The following CEP120 variants were observed in gnomAD, a reference collection of about 807,000 sequenced individuals.
CEP120 encodes the protein centrosomal protein 120.
CEP120 carries 113 observed loss-of-function variants against 126.5 expected under a neutral mutation model. The ratio of observed to expected loss-of-function variants is 0.89; its 90% CI spans 0.77 to 1.04. The LOEUF is 1.04. Among genes scored for constraint, CEP120 ranks in the 50% least tolerant of loss-of-function variants. CEP120 has a pLI of 0.00. For synonymous variants in CEP120, 400 were observed against 394.3 expected, an observed-to-expected ratio of 1.01 and a Z score of -0.17; for missense variants, 1,230 against 1,155.7, an observed-to-expected ratio of 1.06 and a Z score of -0.93.
At chr5:123,352,884 T>C (rs1769292990) in intron 18 of CEP120, among the ~76,000 whole-genome samples, 1 of 134,996 alleles carries the variant, frequency 7.4e-6, no homozygotes, top group African/African-American at 2.8e-5. Flanking sequence ...ATTTCTTTGA[T>C]TATATTTTAG....
At chr5:123,378,230 T>G (rs1037037970) in intron 15 of CEP120, 106 bp downstream of exon 15, 2 of 741,050 alleles carry the variant, frequency 2.7e-6, no homozygotes, top group Admixed American at 5.6e-5. Flanking sequence ...CCATCCTGAG[T>G]CCCTTCTCTC....
intron 17 of CEP120, among the ~76,000 whole-genome samples, chr5:123,369,723 GT>G (rs1562017553): frequency 1.5e-3 from 225 of 152,070 alleles, no homozygotes; most frequent in African/African-American, 5.3e-3. Flanking sequence ...CTTATGTGGG[GT>G]GGTATCTATT....
intron 18 of CEP120, among the ~76,000 whole-genome samples, chr5:123,360,747 G>A (rs1002647102): frequency 4.6e-5 from 7 of 151,724 alleles, no homozygotes; most frequent in African/African-American, 1.7e-4. Context: ...ATGAGGATGC[G>A]TGTGTTAGGA....
intron 4 of CEP120, chr5:123,403,849 C>A: frequency 4.3e-6 from 1 of 235,030 alleles, no homozygotes; most frequent in Non-Finnish European, 8.6e-6. Flanking sequence ...ATGGAAAGAT[C>A]AAGGAACTAT....
intron 4 of CEP120, among the ~76,000 whole-genome samples, chr5:123,409,773 T>A (rs527502937): frequency 1.3e-4 from 20 of 151,854 alleles, no homozygotes; most frequent in African/African-American, 4.6e-4. Flanking sequence ...GCCTGGCCAA[T>A]GTAGTGAAAC....
intron 1 of CEP120, 87 bp from the exon 2 acceptor site, chr5:123,418,602 T>G (rs1477655714): frequency 5.5e-6 from 4 of 729,230 alleles, no homozygotes; most frequent in South Asian, 3.7e-5. Flanking sequence ...TTGGCTGGTT[T>G]TTTTTTTTTT....
intron 4 of CEP120, among the ~76,000 whole-genome samples, chr5:123,410,615 A>G (rs1371717538): frequency 1.3e-5 from 2 of 152,250 alleles, no homozygotes; most frequent in Non-Finnish European, 2.9e-5. Flanking sequence ...ATGGTGCTGG[A>G]ACAACTGGAC....
intron 11 of CEP120, among the ~76,000 whole-genome samples, chr5:123,384,290 G>T (rs201340853): frequency 1.8e-5 from 1 of 54,644 alleles, no homozygotes; most frequent in Non-Finnish European, 4.6e-5. Context: ...ACTGAGCCTT[G>T]TTTCTCTTTT....
chr5:123,413,659 A>G (rs1020856680), intron 3 of CEP120, among the ~76,000 whole-genome samples: 1 of 152,202 alleles, frequency 6.6e-6, no homozygotes, highest in Non-Finnish European at 1.5e-5. Context: ...TGTTATATAA[A>G]GACATAATAA....
intron 18 of CEP120, among the ~76,000 whole-genome samples, chr5:123,352,717 C>T (rs889410816): frequency 1.3e-5 from 2 of 151,930 alleles, no homozygotes; most frequent in Non-Finnish European, 2.9e-5. Flanking sequence ...TAAAAAAAAC[C>T]TGCTGAGATT....
At chr5:123,411,664 T>G (rs963567725) in intron 4 of CEP120, among the ~76,000 whole-genome samples, 1 of 152,136 alleles carries the variant, frequency 6.6e-6, no homozygotes, top group Admixed American at 6.5e-5. Context: ...GTAAAAAAGA[T>G]CAATAGCTGC....
intron 18 of CEP120, among the ~76,000 whole-genome samples, chr5:123,360,909 C>T (rs2126994024): frequency 6.6e-6 from 1 of 151,832 alleles, no homozygotes; most frequent in East Asian, 1.9e-4. Context: ...GAAACTACCT[C>T]AAATGGTGAA....
rs1359046250 is a variant in CEP120, at chr5:123,393,319, G to T, written c.791C>A (p.Ala264Asp). Reference sequence around the variant, plus strand: ...ACTCACCTGCAGTTTAGACTGAAGAGCCAGGTAAACACGAAGAATTTCTAC... The same window carrying T: ...ACTCACCTGCAGTTTAGACTGAAGATCCAGGTAAACACGAAGAATTTCTAC... ...SSVEILRVYLALQSKLQIHLC... is the reference protein window; with the variant it reads ...SSVEILRVYLDLQSKLQIHLC... The change falls in exon 6 of 20, where the codon GCT (alanine) becomes GAT (aspartate). Residue 264 changes from alanine (A) to aspartate (D), a missense_variant. Physicochemically the swap from Ala to Asp is moderately radical, Grantham distance 126. Coordinates refer to ENST00000306467, the MANE Select transcript of CEP120 (RefSeq NM_001375405.1). 1 of 1,614,126 alleles carries T rather than the reference G, an allele frequency of 6.2e-7. No homozygotes were observed. Among genetic ancestry groups the T allele is most frequent in the East Asian group, 2.2e-5 (1 of 44,862 alleles).
At chr5:123,346,795 G>T in intron 19 of CEP120, 42 bp from the exon 20 acceptor site, 1 of 1,383,256 alleles carries the variant, frequency 7.2e-7, no homozygotes, top group African/African-American at 1.5e-5. Context: ...AACTGTGTTG[G>T]TTTTCTTAAT....
At chr5:123,373,391 C>A (rs1046518112) in intron 16 of CEP120, among the ~76,000 whole-genome samples, 2 of 151,934 alleles carry the variant, frequency 1.3e-5, no homozygotes, top group Admixed American at 1.3e-4. Flanking sequence ...AAGGAGTGAC[C>A]GGGAGATCCA....
chr5:123,349,999 C>G lies in CEP120; in HGVS notation c.2671G>C (p.Asp891His). Residue 891 changes from aspartate (D) to histidine (H), a missense_variant, in exon 19 of 20, where the codon GAT becomes CAT. Physicochemically the swap from Asp to His is moderately conservative, Grantham distance 81. Transcript: ENST00000306467. ...RLRYLAAEEK[D>H]TVKTERQELL... is the part of the protein sequence containing the mutation. ...TCTTGTCGCTCGGTTTTTACTGTAT[C>G]TTTTTCCTCAGCGGCAAGGTAACGT... is the stretch of plus-strand genomic sequence containing the variant. The G allele has an allele frequency of 6.2e-7, 1 of 1,613,632 alleles. No homozygotes were observed. The highest frequency in any genetic ancestry group is 1.1e-5 in the South Asian group (1 of 91,044).
chr5:123,394,069 T>G (rs959189578), intron 5 of CEP120, among the ~76,000 whole-genome samples: 12 of 152,238 alleles, frequency 7.9e-5, no homozygotes, highest in African/African-American at 2.7e-4. Flanking sequence ...TACATATGAC[T>G]AAGAGATGGG....
At chr5:123,388,983 G>A (rs561898344) in intron 8 of CEP120, among the ~76,000 whole-genome samples, 1 of 152,262 alleles carries the variant, frequency 6.6e-6, no homozygotes, top group South Asian at 2.1e-4. Flanking sequence ...CCTTTTTACA[G>A]TAATTTTGGT....
At chr5:123,359,532 A>G (rs980845834) in intron 18 of CEP120, among the ~76,000 whole-genome samples, 1 of 152,046 alleles carries the variant, frequency 6.6e-6, no homozygotes, top group Non-Finnish European at 1.5e-5. Flanking sequence ...TTTGGTTTTA[A>G]AATATTTCTA....
Sources: allele counts gnomAD v4.1 joint callset (sites outside exome capture counted in the v4.1 genomes callset), GRCh38; gene constraint gnomAD v4.1.1; transcripts MANE v1.5; gene names NCBI Gene and HGNC (gene_info 2026-07-23, HGNC 2026-07-21).